The following TNRC6B variants were observed in gnomAD, a reference collection of about 807,000 sequenced individuals.
TNRC6B encodes trinucleotide repeat-containing gene 6B protein.
Under a neutral mutation model 203.6 loss-of-function variants are expected in TNRC6B, and 52 were observed. The observed-to-expected ratio is 0.26, with a 90% CI of 0.20 to 0.32. The LOEUF (loss-of-function observed/expected upper bound fraction) is 0.32. TNRC6B is among the 10% of genes least tolerant of loss of function. The pLI, the probability that TNRC6B is intolerant of heterozygous loss-of-function variation, is 1.00. For synonymous variants in TNRC6B, 838 were observed against 845.7 expected (o/e 0.99, Z 0.16); for missense variants, 1,923 against 2,286.2 (o/e 0.84, Z 3.24).
chr22:40,303,021 C>CCTT (rs1218031533), intron 15 of TNRC6B, among the ~76,000 whole-genome samples: 5,355 of 140,322 alleles, frequency 0.038, 168 homozygotes, highest in Non-Finnish European at 0.06. Flanking sequence ...TGCTGTATTT[C>CCTT]CTTCTTCTTC....
At chr22:40,230,010 T>C (rs1601903698) in intron 1 of TNRC6B, among the ~76,000 whole-genome samples, 1 of 152,182 alleles carries the variant, frequency 6.6e-6, no homozygotes, top group Non-Finnish European at 1.5e-5. Context: ...AGTAGGTGTA[T>C]GTTTAGCTTT....
chr22:40,099,994 G>A (rs1285420350), intron 1 of TNRC6B, among the ~76,000 whole-genome samples: 1 of 151,962 alleles, frequency 6.6e-6, no homozygotes, highest in Non-Finnish European at 1.5e-5. Flanking sequence ...CTCATGATCC[G>A]CCCACCTCGG....
intron 3 of TNRC6B, among the ~76,000 whole-genome samples, chr22:40,141,204 C>CTTTTTTTTTTTT (rs757105010): frequency 1.3e-5 from 1 of 75,700 alleles, no homozygotes; most frequent in Non-Finnish European, 2.4e-5. Flanking sequence ...AAATTCTGTC[C>CTTTTTTTTTTTT]TTTTTTTTTT....
intron 15 of TNRC6B, among the ~76,000 whole-genome samples, chr22:40,307,363 C>T (rs2071101091): frequency 6.6e-6 from 1 of 152,164 alleles, no homozygotes; most frequent in South Asian, 2.1e-4. Flanking sequence ...TGGTGGGAGG[C>T]TTGCTCGCCT....
chr22:40,171,352 G>A (rs993333694), intron 4 of TNRC6B, among the ~76,000 whole-genome samples: 1 of 151,650 alleles, frequency 6.6e-6, no homozygotes, highest in Non-Finnish European at 1.5e-5. Context: ...TAGTAGAGAT[G>A]GGGTTTCACT....
At chr22:40,128,619 C>T (rs749730822) in intron 3 of TNRC6B, among the ~76,000 whole-genome samples, 1 of 151,750 alleles carries the variant, frequency 6.6e-6, no homozygotes, top group Non-Finnish European at 1.5e-5. Context: ...AACCACCCAG[C>T]CTCAAGCAAT....
chr22:40,259,669 C>G (rs1379071331), intron 3 of TNRC6B, among the ~76,000 whole-genome samples: 4 of 152,212 alleles, frequency 2.6e-5, no homozygotes, highest in African/African-American at 4.8e-5. Context: ...GAAATTGCTG[C>G]AGGCACCTGC....
chr22:40,242,340 CAG>C (rs2070041892), intron 1 of TNRC6B, among the ~76,000 whole-genome samples: 1 of 152,212 alleles, frequency 6.6e-6, no homozygotes, highest in Non-Finnish European at 1.5e-5. Flanking sequence ...TCCAACCCCA[CAG>C]AGTTCATTTG....
At chr22:40,093,868 T>A (rs2068167420) in intron 1 of TNRC6B, among the ~76,000 whole-genome samples, 1 of 152,088 alleles carries the variant, frequency 6.6e-6, no homozygotes, top group Admixed American at 6.6e-5. Context: ...TTAGATAAAA[T>A]GAATATGATC....
At position 40,286,651 on chromosome 22, in the gene TNRC6B, T is replaced by C. The variant is rs116187534; in HGVS notation, c.3708+881T>C. ...CAGAGACTCCTGGATTCAACTCTTA[T>C]TCATGAGCAGCTCTGTGTACGACAT... On this transcript the variant is annotated intron_variant, in intron 12 of 22. Coordinates refer to ENST00000454349, the MANE Select transcript of TNRC6B (RefSeq NM_001162501.2). Among the ~76,000 whole-genome samples, 304 of 152,336 alleles carry C rather than the reference T, an allele frequency of 2.0e-3. 2 individuals are homozygous for C. The highest frequency in any genetic ancestry group is 7.1e-3 in the African/African-American group (297 of 41,582).
intron 1 of TNRC6B, among the ~76,000 whole-genome samples, chr22:40,116,568 G>A (rs746063086): frequency 5.3e-5 from 8 of 152,134 alleles, no homozygotes; most frequent in Admixed American, 3.3e-4. Flanking sequence ...GAGAACCAGC[G>A]AAATGGCCCC....
intron 1 of TNRC6B, among the ~76,000 whole-genome samples, chr22:40,207,359 G>C (rs5995837): frequency 0.4 from 57,532 of 145,342 alleles, 15,772 homozygotes; most frequent in African/African-American, 0.78. Context: ...CTCTACTGTG[G>C]TCACACCACT....
chr22:40,262,228 G>T (rs2070398178), intron 4 of TNRC6B, 55 bp downstream of exon 4: 1 of 1,321,092 alleles, frequency 7.6e-7, no homozygotes, highest in Non-Finnish European at 9.8e-7. Flanking sequence ...AGAGCACTTT[G>T]TTTGCATTGC....
At chr22:40,255,686 T>A (rs1194887043) in intron 3 of TNRC6B, among the ~76,000 whole-genome samples, 1 of 152,152 alleles carries the variant, frequency 6.6e-6, no homozygotes, top group Non-Finnish European at 1.5e-5. Context: ...GGAGGCCAGG[T>A]GTTTAAACCT....
intron 1 of TNRC6B, among the ~76,000 whole-genome samples, chr22:40,242,533 C>G (rs938451626): frequency 6.6e-6 from 1 of 151,666 alleles, no homozygotes; most frequent in Non-Finnish European, 1.5e-5. Flanking sequence ...CAGGTTCAAG[C>G]GATTGTCCTG....
intron 3 of TNRC6B, among the ~76,000 whole-genome samples, chr22:40,151,103 G>A (rs1211520070): frequency 6.6e-6 from 1 of 152,112 alleles, no homozygotes; most frequent in Non-Finnish European, 1.5e-5. Context: ...ACAATGTAGG[G>A]AGCAGAAGAA....
intron 1 of TNRC6B, among the ~76,000 whole-genome samples, chr22:40,109,466 A>G (rs556504657): frequency 6.6e-6 from 1 of 152,246 alleles, no homozygotes; most frequent in East Asian, 1.9e-4. Flanking sequence ...ACTTTTTAAT[A>G]TAAAATCACC....
At chr22:40,203,404 TA>T (rs2069438917) in intron 1 of TNRC6B, among the ~76,000 whole-genome samples, 2 of 152,050 alleles carry the variant, frequency 1.3e-5, no homozygotes, top group African/African-American at 4.8e-5. Context: ...TTCATGAGAG[TA>T]CTCCTTGCGT....
chr22:40,156,074 A>G, intron 3 of TNRC6B: 1 of 1,545,610 alleles, frequency 6.5e-7, no homozygotes, highest in Non-Finnish European at 8.8e-7. Context: ...GTCGCATTGT[A>G]GTTACTGACT....
Sources: allele counts gnomAD v4.1 joint callset (sites outside exome capture counted in the v4.1 genomes callset), GRCh38; gene constraint gnomAD v4.1.1; transcripts MANE v1.5; gene names NCBI Gene and HGNC (gene_info 2026-07-23, HGNC 2026-07-21).